Variants in TRIM69 observed in about 807,000 individuals in gnomAD.
TRIM69 encodes the protein tripartite motif containing 69, also known as E3 ubiquitin-protein ligase TRIM69.
Under a neutral mutation model 37.7 loss-of-function variants are expected in TRIM69, and 29 were observed. The observed-to-expected ratio is 0.77, with a 90% confidence interval of 0.57 to 1.05. The LOEUF (loss-of-function observed/expected upper bound fraction) is 1.05, where lower values mean the gene tolerates loss of function less well. Ranked by LOEUF, TRIM69 falls within the 50% of genes least tolerant of loss-of-function variation. The probability of loss-of-function intolerance (pLI) is 0.00; values close to 1 mark genes in which losing one functional copy is unlikely to be tolerated. For missense variants in TRIM69, 596 were observed against 579.9 expected, an observed-to-expected ratio of 1.03 and a Z score of -0.28; for synonymous variants, 209 against 212.4, an observed-to-expected ratio of 0.98 and a Z score of 0.14.
intron 1 of TRIM69, among the ~76,000 whole-genome samples, chr15:44,748,064 A>C (rs915586367): frequency 6.6e-6 from 1 of 152,234 alleles, no homozygotes; most frequent in African/African-American, 2.4e-5. Context: ...CCCTGATTTC[A>C]CCAGTGACTT....
intron 1 of TRIM69, chr15:44,754,566 T>C (rs1314885572): frequency 8.6e-6 from 2 of 231,984 alleles, no homozygotes; most frequent in African/African-American, 4.5e-5. Flanking sequence ...AAAAATAAAA[T>C]AAAGGTAATA....
intron 1 of TRIM69, among the ~76,000 whole-genome samples, chr15:44,748,723 G>T (rs2087459044): frequency 6.7e-6 from 1 of 149,698 alleles, no homozygotes; most frequent in Non-Finnish European, 1.5e-5. Flanking sequence ...CTACTCGGGA[G>T]TCTGAGACAG....
At chr15:44,757,972 T>G (rs975038997) in intron 3 of TRIM69, 2 of 152,706 alleles carry the variant, frequency 1.3e-5, no homozygotes, top group Non-Finnish European at 2.9e-5. Context: ...GATCCAATAA[T>G]TGTTGCAATA....
At chr15:44,742,469 G>T (rs1294243763) in intron 1 of TRIM69, among the ~76,000 whole-genome samples, 1 of 144,290 alleles carries the variant, frequency 6.9e-6, no homozygotes, top group Admixed American at 7.2e-5. Flanking sequence ...TCTGGCTAGG[G>T]CAATTAGGCA....
rs759608597 is a variant in TRIM69, at chr15:44,767,595, G to C, written c.1326G>C (p.Lys442Asn). 10 of 1,614,134 alleles carry C rather than the reference G, an allele frequency of 6.2e-6. No homozygotes were observed. Among genetic ancestry groups the C allele is most frequent in the Non-Finnish European group, 8.5e-6 (10 of 1,180,018 alleles). Residue 442 changes from lysine to asparagine, a missense_variant, in exon 7 of 7, where the codon AAG (lysine) becomes AAC (asparagine). By Grantham distance (94) the Lys-to-Asn change is moderately conservative (BLOSUM62 0). Transcript: ENST00000329464. The stretch of plus-strand genomic sequence containing the variant: ...TGACACTGACTAACAACCTCGACAA[G>C]GTGGGCATATACCTGGATTATGAAG... ...FSLTLTNNLD[K>N]VGIYLDYEGG... is the part of the protein sequence containing the mutation.
At chr15:44,746,511 A>C (rs1209958795) in intron 1 of TRIM69, among the ~76,000 whole-genome samples, 2 of 152,206 alleles carry the variant, frequency 1.3e-5, no homozygotes, top group Non-Finnish European at 2.9e-5. Flanking sequence ...CAATAATTGT[A>C]TATAAAAAAA....
intron 1 of TRIM69, among the ~76,000 whole-genome samples, chr15:44,737,851 G>C (rs1363741585): frequency 6.6e-6 from 1 of 152,008 alleles, no homozygotes; most frequent in African/African-American, 2.4e-5. Flanking sequence ...AGGTTGAAAA[G>C]CAACAAATGA....
intron 1 of TRIM69, among the ~76,000 whole-genome samples, chr15:44,750,471 G>A (rs564536572): frequency 1.6e-4 from 24 of 151,964 alleles, no homozygotes; most frequent in Non-Finnish European, 3.2e-4. Flanking sequence ...GTCAGTTTTG[G>A]TAGTTGGTGT....
chr15:44,758,776 G>A lies in TRIM69; in HGVS notation c.735G>A (p.Glu245=), dbSNP rs759425682. 2 of 1,614,146 alleles carry A rather than the reference G, an allele frequency of 1.2e-6. No homozygotes were observed. The highest frequency in any genetic ancestry group is 1.7e-6 in the Non-Finnish European group (2 of 1,180,010). Residue 245 remains glutamate, a synonymous_variant, in exon 4 of 7, where the codon GAG becomes GAA. Transcript: ENST00000329464. ...EMELNLSQLQ[E]QCLLAKDMLV... is the part of the protein sequence containing the mutation. ...AGTTGAATCTGAGCCAGCTTCAGGA[G>A]CAATGTCTCTTAGCCAAGGATATGT...
chr15:44,752,024 G>A (rs2087544246), intron 1 of TRIM69, among the ~76,000 whole-genome samples: 1 of 152,032 alleles, frequency 6.6e-6, no homozygotes, highest in Admixed American at 6.6e-5. Context: ...CAAAGTGCTG[G>A]GATTAGAGGT....
At chr15:44,767,073 A>AAAAAAAAAAAAAAAAAG (rs2087908248) in intron 6 of TRIM69, among the ~76,000 whole-genome samples, 158 bp from the exon 7 acceptor site, 1 of 147,920 alleles carries the variant, frequency 6.8e-6, no homozygotes, top group Non-Finnish European at 1.5e-5. Flanking sequence ...AAAAAAAAAA[A>AAAAAAAAAAAAAAAAAG]AAAAAAAAAA....
intron 1 of TRIM69, among the ~76,000 whole-genome samples, chr15:44,739,893 G>A (rs542030073): frequency 1.7e-4 from 26 of 151,016 alleles, no homozygotes; most frequent in Admixed American, 7.9e-4. Flanking sequence ...CTCCCAGCAC[G>A]CAGCTGGAGA....
chr15:44,748,876 C>T lies in TRIM69; in HGVS notation c.7-6024C>T, dbSNP rs553332794. 1.2e-4 allele frequency among the ~76,000 whole-genome samples: 17 copies of T among 147,390 alleles called. No homozygotes were observed. The South Asian group carries it at 3.5e-3, about 30-fold the overall frequency. ...TTCTGGCTCCGGAGTCAAATGGCTT[C>T]AGTTTAGTATTATTAATTTTTTGAG... On this transcript the variant is annotated intron_variant, in intron 1 of 6. Transcript: ENST00000329464.
chr15:44,748,868 A>G (rs2087463200), intron 1 of TRIM69, among the ~76,000 whole-genome samples: 1 of 148,926 alleles, frequency 6.7e-6, no homozygotes, highest in South Asian at 2.1e-4. Context: ...TCCGGAGTCA[A>G]ATGGCTTCAG....
chr15:44,758,942 A>C lies in TRIM69; in HGVS notation c.813+88A>C, dbSNP rs143831625. ...AAAGAATGCGGAAGTGGCTTTTCAC[A>C]TCCAGGGAAAACAAAACAAAACAAA... On this transcript the variant is annotated intron_variant, in intron 4 of 6. Coordinates refer to ENST00000329464, the MANE Select transcript of TRIM69 (RefSeq NM_182985.5). 2.1e-6 allele frequency: 3 copies of C among 1,462,316 alleles called. No individual in the cohort carries two copies. In the South Asian group the frequency reaches 4.0e-5, roughly 19 times the overall value. The allele number at this position is 1,462,316 out of a possible 1,614,324, so 90.6% of individuals were successfully genotyped here.
At chr15:44,751,359 G>A (rs1030498079) in intron 1 of TRIM69, among the ~76,000 whole-genome samples, 1 of 152,056 alleles carries the variant, frequency 6.6e-6, no homozygotes, top group African/African-American at 2.4e-5. Flanking sequence ...CAGGTGATCT[G>A]CCCACCTCGG....
intron 1 of TRIM69, among the ~76,000 whole-genome samples, chr15:44,737,919 G>GA (rs915101994): frequency 2.1e-4 from 31 of 150,922 alleles, no homozygotes; most frequent in African/African-American, 5.1e-4. Flanking sequence ...AACTTCTCAG[G>GA]AAAAAAAAAT....
At chr15:44,742,324 A>C (rs2087307888) in intron 1 of TRIM69, among the ~76,000 whole-genome samples, 5 of 28,986 alleles carry the variant, frequency 1.7e-4, no homozygotes, top group Admixed American at 8.6e-4. Context: ...ATCTCAAAAT[A>C]ATAAGAGCTA....
intron 1 of TRIM69, among the ~76,000 whole-genome samples, chr15:44,739,826 A>G (rs1228303231): frequency 6.6e-6 from 1 of 151,804 alleles, no homozygotes; most frequent in Non-Finnish European, 1.5e-5. Context: ...AAAAGACATC[A>G]GTAACCTCTG....
Sources: allele counts gnomAD v4.1 joint callset (sites outside exome capture counted in the v4.1 genomes callset), GRCh38; gene constraint gnomAD v4.1.1; transcripts MANE v1.5; gene names NCBI Gene and HGNC (gene_info 2026-07-23, HGNC 2026-07-21).